SMARCA2: variants seen among roughly 807,000 people sequenced by gnomAD.
The protein encoded by SMARCA2 is SWI/SNF related BAF chromatin remodeling complex subunit ATPase 2.
A neutral mutation model predicts 199.8 loss-of-function variants in SMARCA2; 61 were observed. The ratio of observed to expected loss-of-function variants is 0.31; its 90% CI spans 0.25 to 0.38. The LOEUF is 0.38. SMARCA2 is among the 10% of genes least tolerant of loss of function. SMARCA2 has a pLI of 1.00. For synonymous variants in SMARCA2, 935 were observed against 732.0 expected (o/e 1.28, Z -4.48); for missense variants, 1,344 against 2,012.2 (o/e 0.67, Z 6.35).
At chr9:2,081,311 TGTGCTGTCTGG>T (rs1355409675) in intron 14 of SMARCA2, among the ~76,000 whole-genome samples, 1 of 152,204 alleles carries the variant, frequency 6.6e-6, no homozygotes, top group Non-Finnish European at 1.5e-5. Context: ...AAAGTTCCCA[TGTGCTGTCTGG>T]GAACTTTCTC....
At position 2,193,383 on chromosome 9, in the gene SMARCA2, T is replaced by A. The variant is rs1828027347; in HGVS notation, c.*644T>A. ...TTGCTCTTGATTTAAAAAAAAGTTTTGTTGAAAGCGCTATTGAATATTGCA... is the reference window on the plus strand; with the variant it reads ...TTGCTCTTGATTTAAAAAAAAGTTTAGTTGAAAGCGCTATTGAATATTGCA... On this transcript the variant is annotated 3_prime_UTR_variant, in exon 34 of 34. Transcript: ENST00000349721. 1 of 152,718 alleles carries A rather than the reference T, an allele frequency of 6.5e-6. No homozygotes were observed. The highest frequency in any genetic ancestry group is 2.4e-5 in the African/African-American group (1 of 41,476). The allele number at this position is 152,718 out of a possible 1,614,324, so 9.5% of individuals were successfully genotyped here. A position where few individuals can be genotyped will look rare whatever the true frequency, so the allele number is the denominator to read the frequency against.
chr9:2,159,786 C>T, intron 27 of SMARCA2: 1 of 1,596,626 alleles, frequency 6.3e-7, no homozygotes, highest in Non-Finnish European at 8.5e-7. Flanking sequence ...CACAGCCTTT[C>T]CCCAGCTCTC....
intron 1 of SMARCA2, chr9:2,027,920 C>T (rs1389607776): frequency 6.6e-6 from 1 of 152,210 alleles, no homozygotes; most frequent in African/African-American, 2.4e-5. Flanking sequence ...ATCTTGCCGG[C>T]ATCATTGATC....
At chr9:2,144,620 A>G (rs921949487) in intron 27 of SMARCA2, among the ~76,000 whole-genome samples, 1 of 152,194 alleles carries the variant, frequency 6.6e-6, no homozygotes, top group Non-Finnish European at 1.5e-5. Flanking sequence ...CACTCACCAT[A>G]TGGAGGATTG....
intron 29 of SMARCA2, among the ~76,000 whole-genome samples, chr9:2,172,541 G>A (rs1488091217): frequency 1.3e-5 from 2 of 152,116 alleles, no homozygotes; most frequent in Non-Finnish European, 2.9e-5. Flanking sequence ...AGTGTGACCA[G>A]CTCATTGGAG....
At chr9:2,159,721 C>T in intron 27 of SMARCA2, 8 of 1,495,640 alleles carry the variant, frequency 5.3e-6, no homozygotes, top group Non-Finnish European at 7.2e-6. Flanking sequence ...TTTGAGTATC[C>T]ACAATCCTTT....
At chr9:2,049,107 G>C (rs1012092603) in intron 5 of SMARCA2, among the ~76,000 whole-genome samples, 1 of 151,634 alleles carries the variant, frequency 6.6e-6, no homozygotes, top group Non-Finnish European at 1.5e-5. Context: ...CAGTACCTTT[G>C]TTAAACTATG....
At chr9:2,136,868 T>C (rs1824218712) in intron 27 of SMARCA2, among the ~76,000 whole-genome samples, 1 of 152,166 alleles carries the variant, frequency 6.6e-6, no homozygotes, top group Non-Finnish European at 1.5e-5. Flanking sequence ...AACACATATT[T>C]TACTTAATGC....
intron 32 of SMARCA2, among the ~76,000 whole-genome samples, chr9:2,186,507 A>G (rs374157552): frequency 1.1e-4 from 16 of 151,986 alleles, no homozygotes; most frequent in African/African-American, 3.9e-4. Context: ...TCTTTTATTT[A>G]TTTATTTTTG....
chr9:2,054,503 G>A (rs768130914), intron 5 of SMARCA2, 94 bp from the exon 6 acceptor site: 36 of 1,444,780 alleles, frequency 2.5e-5, no homozygotes, highest in Non-Finnish European at 2.8e-5. Flanking sequence ...GTTTTGCCCC[G>A]GACTTAAACC....
intron 32 of SMARCA2, among the ~76,000 whole-genome samples, chr9:2,187,835 TTGGGAAGC>T (rs1311707947): frequency 6.6e-6 from 1 of 152,128 alleles, no homozygotes; most frequent in Admixed American, 6.5e-5. Context: ...TCCTAGCACT[TTGGGAAGC>T]TGAGGTGGCT....
At chr9:2,069,490 C>T (rs1046106107) in intron 9 of SMARCA2, among the ~76,000 whole-genome samples, 5 of 150,188 alleles carry the variant, frequency 3.3e-5, no homozygotes, top group African/African-American at 7.4e-5. Context: ...ACACGGGAGG[C>T]GGAGCTTGCA....
chr9:2,021,995 G>A (rs1324134740), intron 1 of SMARCA2: 2 of 151,710 alleles, frequency 1.3e-5, no homozygotes, highest in African/African-American at 4.8e-5. Flanking sequence ...ACAGAGACCC[G>A]GCCTGAAGGA....
rs572593513 is a variant in SMARCA2, at chr9:2,133,637, G to A, written c.3981+9700G>A. 9.5e-5 allele frequency among the ~76,000 whole-genome samples: 14 copies of A among 147,552 alleles called. No individual in the cohort carries two copies. In the South Asian group the frequency reaches 2.3e-3, roughly 25 times the overall value. On this transcript the variant is annotated intron_variant, in intron 27 of 33. Transcript: ENST00000349721. ...AATAAGGCTACATGTTTCAGTCAGT[G>A]TCAGGATTTAAAAAAAAAAAAAAAG...
intron 33 of SMARCA2, 104 bp downstream of exon 33, chr9:2,191,512 A>G (rs1827883622): frequency 8.1e-7 from 1 of 1,237,504 alleles, no homozygotes; most frequent in South Asian, 1.4e-5. Context: ...ATTACCCAGG[A>G]CTGGAAATGT....
intron 29 of SMARCA2, among the ~76,000 whole-genome samples, chr9:2,179,437 A>AAAC (rs1405954777): frequency 2.6e-5 from 4 of 152,194 alleles, no homozygotes; most frequent in African/African-American, 4.8e-5. Flanking sequence ...TTTATTTTTT[A>AAAC]AACAGAATAA....
rs200251433 is a variant in SMARCA2, at chr9:2,039,945, G to A, written c.790+45G>A. On this transcript the variant is annotated intron_variant, in intron 4 of 33. Coordinates refer to ENST00000349721, the MANE Select transcript of SMARCA2 (RefSeq NM_003070.5). The surrounding 1 kb of genome is among the most constrained non-coding windows in gnomAD (Gnocchi z 4.8). Reference sequence around the variant, plus strand: ...AATGAATAATGCCATGGTCCAACTCGGATAACAAAGACTGCTCACCAAAAC... The same window carrying A: ...AATGAATAATGCCATGGTCCAACTCAGATAACAAAGACTGCTCACCAAAAC... The A allele has an allele frequency of 4.4e-4, 701 of 1,600,290 alleles. 1 individual carries two copies. The highest frequency in any genetic ancestry group is 3.5e-3 in the African/African-American group (259 of 74,828).
intron 3 of SMARCA2, among the ~76,000 whole-genome samples, chr9:2,034,242 CA>C (rs759792374): frequency 0.29 from 18,826 of 64,544 alleles, 576 homozygotes; most frequent in African/African-American, 0.35. Context: ...GACTGCGTCT[CA>C]AAAAAAAAAA....
intron 30 of SMARCA2, among the ~76,000 whole-genome samples, 166 bp downstream of exon 30, chr9:2,181,842 G>A (rs1214466318): frequency 6.6e-6 from 1 of 152,214 alleles, no homozygotes; most frequent in Non-Finnish European, 1.5e-5. Context: ...ACTTAATCAT[G>A]TTGAGAGCTC....
Sources: allele counts gnomAD v4.1 joint callset (sites outside exome capture counted in the v4.1 genomes callset), GRCh38; gene constraint gnomAD v4.1.1; non-coding constraint Gnocchi (gnomAD v3.1); transcripts MANE v1.5; gene names NCBI Gene and HGNC (gene_info 2026-07-23, HGNC 2026-07-21).